Variants in THSD7B observed in about 807,000 individuals in gnomAD.
The protein encoded by THSD7B is thrombospondin type-1 domain-containing protein 7B.
THSD7B carries 138 observed loss-of-function variants against 213.6 expected under a neutral mutation model. That is an observed-to-expected ratio of 0.65 (90% confidence interval 0.56 to 0.74). The LOEUF (loss-of-function observed/expected upper bound fraction) is 0.74. Ranked by LOEUF, THSD7B falls within the 30% of genes least tolerant of loss-of-function variation. The pLI is 0.00. For synonymous variants in THSD7B, 742 were observed against 687.0 expected, an observed-to-expected ratio of 1.08 and a Z score of -1.25; for missense variants, 1,931 against 1,991.5, an observed-to-expected ratio of 0.97 and a Z score of 0.58.
intron 15 of THSD7B, among the ~76,000 whole-genome samples, chr2:137,495,637 A>G (rs1487284264): frequency 2.0e-5 from 3 of 152,166 alleles, no homozygotes; most frequent in Non-Finnish European, 4.4e-5. Flanking sequence ...GATTGGTGCA[A>G]GAGCCTGCTG....
intron 12 of THSD7B, among the ~76,000 whole-genome samples, chr2:137,395,622 C>A (rs533039289): frequency 6.6e-6 from 1 of 152,246 alleles, no homozygotes; most frequent in East Asian, 1.9e-4. Context: ...GTCTAAAATT[C>A]TCTTTTTTTG....
chr2:137,333,746 T>A (rs1388030614), intron 12 of THSD7B, among the ~76,000 whole-genome samples: 1 of 152,238 alleles, frequency 6.6e-6, no homozygotes, highest in Non-Finnish European at 1.5e-5. Context: ...AGTTTTGTAC[T>A]TTATATAACT....
intron 5 of THSD7B, among the ~76,000 whole-genome samples, chr2:137,119,004 A>G (rs993944870): frequency 2.6e-5 from 4 of 152,160 alleles, no homozygotes; most frequent in African/African-American, 9.7e-5. Flanking sequence ...AAACACCCCC[A>G]TGATTCAATT....
intron 27 of THSD7B, among the ~76,000 whole-genome samples, chr2:137,670,871 AGAT>A (rs1683553355): frequency 1.4e-5 from 2 of 140,952 alleles, no homozygotes; most frequent in Non-Finnish European, 3.0e-5. Flanking sequence ...CAGTGAGCCA[AGAT>A]TGCGCCACTG....
chr2:137,140,253 C>G (rs1411299482), intron 5 of THSD7B, among the ~76,000 whole-genome samples: 1 of 151,988 alleles, frequency 6.6e-6, no homozygotes, highest in East Asian at 1.9e-4. Context: ...TTATGTAGGT[C>G]CTTCTTTATA....
At chr2:137,341,441 T>C (rs1188707630) in intron 12 of THSD7B, among the ~76,000 whole-genome samples, 1 of 151,660 alleles carries the variant, frequency 6.6e-6, no homozygotes, top group African/African-American at 2.4e-5. Context: ...TTTTTAGTTT[T>C]ATGTAATCCT....
chr2:137,024,725 A>G (rs1453849707), intron 2 of THSD7B, among the ~76,000 whole-genome samples: 4 of 152,152 alleles, frequency 2.6e-5, no homozygotes, highest in Admixed American at 2.0e-4. Flanking sequence ...TTCTTCCCAC[A>G]CATAGTCAAC....
intron 1 of THSD7B, among the ~76,000 whole-genome samples, chr2:136,769,988 T>G (rs1287949240): frequency 6.6e-6 from 1 of 152,238 alleles, no homozygotes; most frequent in East Asian, 1.9e-4. Flanking sequence ...AAGTAACTAA[T>G]GCACAAACGA....
intron 27 of THSD7B, among the ~76,000 whole-genome samples, chr2:137,674,827 T>G (rs1683658350): frequency 1.3e-5 from 2 of 152,020 alleles, no homozygotes; most frequent in African/African-American, 2.4e-5. Flanking sequence ...GGTGCTAGGG[T>G]GGGGGGCACT....
intron 7 of THSD7B, among the ~76,000 whole-genome samples, chr2:137,220,437 A>C (rs1039286332): frequency 6.6e-6 from 1 of 152,252 alleles, no homozygotes; most frequent in Non-Finnish European, 1.5e-5. Flanking sequence ...ATGCATCATT[A>C]GTCAATAGGA....
intron 10 of THSD7B, among the ~76,000 whole-genome samples, chr2:137,269,301 G>A (rs2104802340): frequency 6.6e-6 from 1 of 152,264 alleles, no homozygotes; most frequent in East Asian, 1.9e-4. Flanking sequence ...CAATGCAACT[G>A]TTTTTCTCAA....
intron 12 of THSD7B, among the ~76,000 whole-genome samples, chr2:137,340,582 A>T (rs1018819123): frequency 2.0e-5 from 3 of 151,806 alleles, no homozygotes; most frequent in African/African-American, 4.8e-5. Context: ...TTATTTTTCC[A>T]TATCCCAAAC....
At chr2:137,629,803 C>G (rs1682705739) in intron 20 of THSD7B, among the ~76,000 whole-genome samples, 1 of 152,062 alleles carries the variant, frequency 6.6e-6, no homozygotes, top group African/African-American at 2.4e-5. Flanking sequence ...TTCTAAGGGT[C>G]TAGTAGGATA....
chr2:137,643,117 C>T (rs1175492648), intron 21 of THSD7B, among the ~76,000 whole-genome samples: 1 of 152,210 alleles, frequency 6.6e-6, no homozygotes, highest in Non-Finnish European at 1.5e-5. Flanking sequence ...ACCATGGTCA[C>T]TACATTTTCC....
chr2:137,532,973 C>T (rs1247872564), intron 15 of THSD7B, among the ~76,000 whole-genome samples: 1 of 150,898 alleles, frequency 6.6e-6, no homozygotes, highest in African/African-American at 2.4e-5. Flanking sequence ...GTATCTATAT[C>T]TATATACATT....
intron 2 of THSD7B, among the ~76,000 whole-genome samples, chr2:137,051,760 CA>C (rs1175309073): frequency 6.6e-6 from 1 of 152,102 alleles, no homozygotes. Context: ...GGTATTAAAT[CA>C]GGGTTGCCAC....
intron 7 of THSD7B, among the ~76,000 whole-genome samples, chr2:137,172,609 C>A (rs1259428254): frequency 2.0e-5 from 3 of 152,120 alleles, no homozygotes; most frequent in East Asian, 1.9e-4. Flanking sequence ...TTTGTAATAT[C>A]CTTTATGATA....
At chr2:137,568,056 A>G (rs1338054778) in intron 16 of THSD7B, among the ~76,000 whole-genome samples, 1 of 152,184 alleles carries the variant, frequency 6.6e-6, no homozygotes, top group African/African-American at 2.4e-5. Context: ...CATAGTAATC[A>G]ATTGTTTCAA....
intron 15 of THSD7B, among the ~76,000 whole-genome samples, chr2:137,520,114 T>A (rs1680153251): frequency 6.6e-6 from 1 of 152,212 alleles, no homozygotes; most frequent in South Asian, 2.1e-4. Context: ...GTAAAAAAGC[T>A]CTGGACTTGG....
Sources: gnomAD v4.1 joint callset for allele counts (sites outside exome capture counted in the v4.1 genomes callset) on GRCh38, gnomAD v4.1.1 for gene constraint, MANE v1.5 for transcripts, NCBI Gene and HGNC (gene_info 2026-07-23, HGNC 2026-07-21) for gene names.